The following ANK3 variants were observed in gnomAD, a reference collection of about 807,000 sequenced individuals.
The protein encoded by ANK3 is ankyrin-3.
In ANK3, 57 loss-of-function variants were observed where a neutral mutation model predicts 370.9. That is an observed-to-expected ratio of 0.15 (90% CI 0.12 to 0.19). The LOEUF is 0.19. ANK3 is among the 10% of genes least tolerant of loss of function. The probability of loss-of-function intolerance (pLI) is 1.00; values close to 1 mark genes in which losing one functional copy is unlikely to be tolerated. For synonymous variants in ANK3, 1,929 were observed against 1,946.3 expected, an observed-to-expected ratio of 0.99 and a Z score of 0.23; for missense variants, 4,439 against 5,302.1, an observed-to-expected ratio of 0.84 and a Z score of 5.06.
intron 1 of ANK3, among the ~76,000 whole-genome samples, chr10:60,318,184 C>A (rs1435873288): frequency 6.6e-6 from 1 of 152,104 alleles, no homozygotes; most frequent in African/African-American, 2.4e-5. Context: ...TGGTTTGCTG[C>A]ACTTATCAAC....
intron 1 of ANK3, among the ~76,000 whole-genome samples, chr10:60,363,010 C>T (rs1375290819): frequency 2.0e-5 from 3 of 150,682 alleles, no homozygotes; most frequent in South Asian, 2.1e-4. Context: ...TTTTCTTTTG[C>T]TACCCTTTCC....
chr10:60,372,652 A>G (rs1350831876), intron 1 of ANK3, among the ~76,000 whole-genome samples: 1 of 152,146 alleles, frequency 6.6e-6, no homozygotes, highest in Non-Finnish European at 1.5e-5. Flanking sequence ...CAAAGCATAG[A>G]GCTGTTGTCA....
intron 1 of ANK3, among the ~76,000 whole-genome samples, chr10:60,302,282 C>A (rs769407979): frequency 6.6e-6 from 1 of 151,746 alleles, no homozygotes; most frequent in East Asian, 1.9e-4. Context: ...TTAATAGTGG[C>A]AATAATGTCA....
intron 1 of ANK3, among the ~76,000 whole-genome samples, chr10:60,683,227 C>A (rs2079220448): frequency 6.6e-6 from 1 of 152,230 alleles, no homozygotes; most frequent in Non-Finnish European, 1.5e-5. Flanking sequence ...ATTGTTATCA[C>A]AACATCTGTT....
At chr10:60,044,098 T>C (rs1175133186) in intron 42 of ANK3, 14 of 985,686 alleles carry the variant, frequency 1.4e-5, no homozygotes, top group Non-Finnish European at 1.7e-5. Context: ...TTCTCTCTTG[T>C]GGGATAACAA....
chr10:60,613,116 GTTC>G (rs2078223174), intron 2 of ANK3, among the ~76,000 whole-genome samples: 1 of 152,174 alleles, frequency 6.6e-6, no homozygotes, highest in Non-Finnish European at 1.5e-5. Flanking sequence ...CTATATTTTT[GTTC>G]TTCATCAGAG....
At chr10:60,502,786 A>G (rs184480392) in intron 2 of ANK3, among the ~76,000 whole-genome samples, 2,258 of 148,726 alleles carry the variant, frequency 0.015, 28 homozygotes, top group African/African-American at 0.035. Context: ...AAAAGAAAGA[A>G]AGAAAAAAGA....
chr10:60,602,979 G>A (rs2078084404), intron 2 of ANK3, among the ~76,000 whole-genome samples: 1 of 151,732 alleles, frequency 6.6e-6, no homozygotes, highest in Admixed American at 6.6e-5. Context: ...GCTGCTAAAG[G>A]GATCTAAAAA....
Position 60,578,200 on chromosome 10 carries a change from T to C in ANK3, c.96+36986A>G, listed in dbSNP as rs1403068733. 2.0e-5 allele frequency among the ~76,000 whole-genome samples: 3 copies of C among 152,188 alleles called. No individual in the cohort carries two copies. In the East Asian group the frequency reaches 5.8e-4, roughly 29 times the overall value. On this transcript the variant is annotated intron_variant, in intron 2 of 43. Coordinates refer to the ANK3 transcript ENST00000373827. ...CCATATGCCCATTAAAATACAATGA[T>C]ATAATAAAAGTATATTAGTAAAATA... is the stretch of plus-strand genomic sequence containing the variant.
At chr10:60,309,535 T>C (rs1178604355) in intron 1 of ANK3, among the ~76,000 whole-genome samples, 3 of 152,176 alleles carry the variant, frequency 2.0e-5, no homozygotes, top group Non-Finnish European at 4.4e-5. Flanking sequence ...ACCTTTAAAG[T>C]TGATGAGCTT....
At chr10:60,037,745 A>C (rs1231022378) in intron 43 of ANK3, among the ~76,000 whole-genome samples, 2 of 152,208 alleles carry the variant, frequency 1.3e-5, no homozygotes, top group African/African-American at 4.8e-5. Flanking sequence ...ATAGTGCTGC[A>C]GTGAACATAC....
chr10:60,092,531 C>A (rs1727725957), intron 28 of ANK3, among the ~76,000 whole-genome samples: 1 of 152,012 alleles, frequency 6.6e-6, no homozygotes, highest in Admixed American at 6.6e-5. Flanking sequence ...AATGAGCCAC[C>A]AACAGAACTT....
At chr10:60,282,438 C>A (rs1435610814) in intron 1 of ANK3, among the ~76,000 whole-genome samples, 1 of 152,082 alleles carries the variant, frequency 6.6e-6, no homozygotes. Context: ...TGGTTCTCTA[C>A]CTATTTGGGA....
intron 25 of ANK3, among the ~76,000 whole-genome samples, chr10:60,126,687 C>CAA (rs34822081): frequency 2.4e-5 from 3 of 125,014 alleles, no homozygotes; most frequent in Non-Finnish European, 3.3e-5. Context: ...GACTCCGTCT[C>CAA]AAAAAAAAAA....
intron 1 of ANK3, chr10:60,684,649 G>T (rs537394878): frequency 6.3e-6 from 10 of 1,588,776 alleles, no homozygotes; most frequent in South Asian, 4.4e-5. Context: ...TGTAAATACC[G>T]TACCTACCAA....
chr10:60,354,092 A>C (rs1388834498), intron 1 of ANK3, among the ~76,000 whole-genome samples: 1 of 152,198 alleles, frequency 6.6e-6, no homozygotes, highest in Non-Finnish European at 1.5e-5. Context: ...CACCTTCTCC[A>C]ATACAATCAG....
intron 2 of ANK3, among the ~76,000 whole-genome samples, chr10:60,594,406 AC>A (rs2077959117): frequency 6.6e-6 from 1 of 152,190 alleles, no homozygotes; most frequent in African/African-American, 2.4e-5. Flanking sequence ...TAAAAATAAT[AC>A]ATTTTTCAGT....
intron 1 of ANK3, among the ~76,000 whole-genome samples, chr10:60,379,842 A>G (rs2061320540): frequency 4.6e-5 from 7 of 152,122 alleles, no homozygotes. Context: ...ATAGTTTCAA[A>G]TAGGTAGATG....
intron 26 of ANK3, among the ~76,000 whole-genome samples, chr10:60,109,640 A>G (rs966471580): frequency 3.3e-5 from 5 of 152,236 alleles, no homozygotes; most frequent in African/African-American, 1.2e-4. Context: ...TGTTTTCAGT[A>G]TAAATATGGG....
Sources: gnomAD v4.1 joint callset for allele counts (sites outside exome capture counted in the v4.1 genomes callset) on GRCh38, gnomAD v4.1.1 for gene constraint, MANE v1.5 for transcripts, NCBI Gene and HGNC (gene_info 2026-07-23, HGNC 2026-07-21) for gene names.